Variants in FZD3 observed in about 807,000 individuals in gnomAD.
FZD3 encodes the protein frizzled class receptor 3, also known as frizzled-3.
FZD3 carries 30 observed loss-of-function variants against 60.7 expected under a neutral mutation model. The ratio of observed to expected loss-of-function variants is 0.49; its 90% CI spans 0.37 to 0.67. The LOEUF (loss-of-function observed/expected upper bound fraction) is 0.67. Ranked by LOEUF, FZD3 falls within the 30% of genes least tolerant of loss-of-function variation. The pLI is 0.00. For synonymous variants in FZD3, 246 were observed against 275.2 expected (o/e 0.89, Z 1.05); for missense variants, 605 against 838.7 (o/e 0.72, Z 3.44).
chr8:28,562,892 C>T lies in FZD3; in HGVS notation c.1882C>T (p.Arg628Trp), dbSNP rs200915090. 37 of 1,612,542 alleles carry T rather than the reference C, an allele frequency of 2.3e-5. No individual in the cohort carries two copies. Among genetic ancestry groups the T allele is most frequent in the African/African-American group, 2.7e-5 (2 of 74,892 alleles). The change falls in exon 8 of 8, where the codon CGG (arginine) becomes TGG (tryptophan). Residue 628 changes from arginine (R) to tryptophan (W), a missense_variant. Transcript: ENST00000240093. ...TCACTCCAGGCATAGTAGTTCTCAT[C>T]GGCTCAATGAACAGTCACGACATAG... is the stretch of plus-strand genomic sequence containing the variant. Reference protein sequence around the residue: ...TDHSRHSSSHRLNEQSRHSSI... With the variant: ...TDHSRHSSSHWLNEQSRHSSI...
At chr8:28,504,559 TG>T (rs1804087631) in intron 3 of FZD3, among the ~76,000 whole-genome samples, 1 of 152,262 alleles carries the variant, frequency 6.6e-6, no homozygotes, top group African/African-American at 2.4e-5. Context: ...GGCTCTGCCA[TG>T]TAGTAGGTTT....
intron 3 of FZD3, among the ~76,000 whole-genome samples, chr8:28,513,143 C>T (rs1411401953): frequency 2.0e-5 from 3 of 152,040 alleles, no homozygotes; most frequent in Admixed American, 6.6e-5. Context: ...TCATTTCAGA[C>T]TTTAGGACAA....
chr8:28,544,662 AAT>A (rs1402285916), intron 5 of FZD3, among the ~76,000 whole-genome samples: 1 of 152,130 alleles, frequency 6.6e-6, no homozygotes, highest in Non-Finnish European at 1.5e-5. Flanking sequence ...AAAAGTCCAA[AAT>A]ATGTGGGAAG....
intron 1 of FZD3, among the ~76,000 whole-genome samples, 161 bp downstream of exon 1, chr8:28,494,504 T>A (rs899173893): frequency 6.6e-6 from 1 of 151,904 alleles, no homozygotes; most frequent in Non-Finnish European, 1.5e-5. Flanking sequence ...GGATCGTTCC[T>A]CTCGTCGCGG....
At chr8:28,560,341 A>C (rs1219621767) in intron 7 of FZD3, among the ~76,000 whole-genome samples, 3 of 152,212 alleles carry the variant, frequency 2.0e-5, no homozygotes, top group African/African-American at 7.2e-5. Flanking sequence ...AGTGGTTTAA[A>C]TGACTGTCAG....
intron 1 of FZD3, among the ~76,000 whole-genome samples, chr8:28,499,628 A>G (rs1803938267): frequency 6.6e-6 from 1 of 152,096 alleles, no homozygotes; most frequent in Non-Finnish European, 1.5e-5. Context: ...ATAACATTTG[A>G]AAATGTTGAA....
intron 4 of FZD3, among the ~76,000 whole-genome samples, chr8:28,522,831 C>T (rs1029573979): frequency 1.5e-5 from 2 of 135,906 alleles, no homozygotes; most frequent in African/African-American, 2.9e-5. Context: ...AGTGCAGTGG[C>T]GTGACTTGGC....
At chr8:28,553,821 A>G (rs1490621546) in intron 6 of FZD3, among the ~76,000 whole-genome samples, 1 of 152,208 alleles carries the variant, frequency 6.6e-6, no homozygotes, top group Non-Finnish European at 1.5e-5. Context: ...CTATAAGATA[A>G]TAATAATGGG....
chr8:28,520,555 G>T, intron 3 of FZD3, 83 bp from the exon 4 acceptor site: 1 of 811,010 alleles, frequency 1.2e-6, no homozygotes, highest in South Asian at 3.6e-5. Flanking sequence ...CTTGTAATGA[G>T]AAAGAGAATG....
chr8:28,499,070 A>G (rs1008226566), intron 1 of FZD3, among the ~76,000 whole-genome samples: 1 of 152,230 alleles, frequency 6.6e-6, no homozygotes, highest in South Asian at 2.1e-4. Context: ...TCATTTCACT[A>G]GTATTTTTTC....
intron 4 of FZD3, among the ~76,000 whole-genome samples, chr8:28,521,396 ATATT>A (rs1804575675): frequency 6.6e-6 from 1 of 152,170 alleles, no homozygotes; most frequent in East Asian, 1.9e-4. Flanking sequence ...ATAATATACT[ATATT>A]TATTATGTGA....
chr8:28,542,091 C>CT (rs61301257), intron 5 of FZD3, among the ~76,000 whole-genome samples: 1,554 of 133,540 alleles, frequency 0.012, 51 homozygotes, highest in East Asian at 0.11. Context: ...GAATGAAATC[C>CT]TTTTTTTTTT....
intron 5 of FZD3, among the ~76,000 whole-genome samples, chr8:28,531,642 G>C (rs550975623): frequency 6.6e-6 from 1 of 152,088 alleles, no homozygotes; most frequent in African/African-American, 2.4e-5. Flanking sequence ...GCCAGACTTT[G>C]AAATAATATC....
At chr8:28,547,812 T>C (rs188742718) in intron 5 of FZD3, among the ~76,000 whole-genome samples, 384 of 152,238 alleles carry the variant, frequency 2.5e-3, no homozygotes, top group Non-Finnish European at 4.4e-3. Context: ...TTATGAAAGT[T>C]ATGGCCATGC....
intron 5 of FZD3, among the ~76,000 whole-genome samples, chr8:28,528,403 C>T (rs1412973906): frequency 1.3e-5 from 2 of 150,518 alleles, no homozygotes; most frequent in African/African-American, 4.9e-5. Context: ...AAGCAGTGTA[C>T]GTCTGTTGGT....
chr8:28,531,988 C>G (rs1804888177), intron 5 of FZD3, among the ~76,000 whole-genome samples: 1 of 152,034 alleles, frequency 6.6e-6, no homozygotes, highest in African/African-American at 2.4e-5. Context: ...TTTTTTGATT[C>G]ATATCTCTAA....
chr8:28,513,599 C>T (rs1804345268), intron 3 of FZD3, among the ~76,000 whole-genome samples: 2 of 152,082 alleles, frequency 1.3e-5, no homozygotes, highest in South Asian at 4.1e-4. Context: ...TCTCATTAGG[C>T]ATTTTATTGT....
intron 1 of FZD3, among the ~76,000 whole-genome samples, chr8:28,495,765 G>A (rs182218037): frequency 4.6e-5 from 7 of 152,298 alleles, no homozygotes; most frequent in Non-Finnish European, 1.5e-5. Context: ...GGAAAGAGGT[G>A]TAAGAGCTTG....
intron 3 of FZD3, among the ~76,000 whole-genome samples, chr8:28,513,628 A>T (rs1804345712): frequency 6.6e-6 from 1 of 152,186 alleles, no homozygotes; most frequent in African/African-American, 2.4e-5. Context: ...GGGGATTTTT[A>T]AAAGGTGTCA....
Sources: gnomAD v4.1 joint callset for allele counts (sites outside exome capture counted in the v4.1 genomes callset) on GRCh38, gnomAD v4.1.1 for gene constraint, MANE v1.5 for transcripts, NCBI Gene and HGNC (gene_info 2026-07-23, HGNC 2026-07-21) for gene names.